GRID2: variants seen among roughly 807,000 people sequenced by gnomAD.
The protein encoded by GRID2 is glutamate ionotropic receptor delta type subunit 2.
Under a neutral mutation model 114.8 loss-of-function variants are expected in GRID2, and 33 were observed. That is an observed-to-expected ratio of 0.29 (90% CI 0.22 to 0.38). The LOEUF (loss-of-function observed/expected upper bound fraction) is 0.38, where lower values mean the gene tolerates loss of function less well. Ranked by LOEUF, GRID2 falls within the 10% of genes least tolerant of loss-of-function variation. The pLI, the probability that GRID2 is intolerant of heterozygous loss-of-function variation, is 1.00. For synonymous variants in GRID2, 505 were observed against 449.9 expected (o/e 1.12, Z -1.55); for missense variants, 1,184 against 1,257.7 (o/e 0.94, Z 0.89).
At chr4:92,479,969 A>G (rs1056331881) in intron 1 of GRID2, among the ~76,000 whole-genome samples, 21 of 152,156 alleles carry the variant, frequency 1.4e-4, no homozygotes, top group African/African-American at 4.6e-4. Context: ...ATAGAATGTG[A>G]TTCTTTGAAA....
At chr4:93,369,025 CCTGA>C (rs1396429242) in intron 8 of GRID2, among the ~76,000 whole-genome samples, 3 of 152,078 alleles carry the variant, frequency 2.0e-5, no homozygotes, top group South Asian at 2.1e-4. Flanking sequence ...TGACTTGTTC[CCTGA>C]CTATCTTAAA....
intron 4 of GRID2, among the ~76,000 whole-genome samples, chr4:93,119,569 C>G (rs1464483540): frequency 6.6e-6 from 1 of 151,984 alleles, no homozygotes; most frequent in Non-Finnish European, 1.5e-5. Context: ...AGAAAGGAAC[C>G]CTACTGTTCC....
intron 1 of GRID2, among the ~76,000 whole-genome samples, chr4:92,539,071 A>AGATGAATTTT (rs5860277): frequency 0.44 from 65,218 of 148,978 alleles, 14,447 homozygotes; most frequent in Middle Eastern, 0.55. Flanking sequence ...GTCTAATAGG[A>AGATGAATTTT]GATGAATTTT....
At chr4:93,296,031 T>A (rs934001218) in intron 8 of GRID2, among the ~76,000 whole-genome samples, 24 of 138,568 alleles carry the variant, frequency 1.7e-4, no homozygotes, top group African/African-American at 7.5e-4. Context: ...TAGCTTGAAA[T>A]AGCAGATATG....
At chr4:92,967,914 G>A (rs991067652) in intron 2 of GRID2, among the ~76,000 whole-genome samples, 30 of 151,830 alleles carry the variant, frequency 2.0e-4, no homozygotes, top group African/African-American at 7.3e-4. Context: ...AAGCGGTGCA[G>A]GATGTATCTC....
At chr4:92,424,799 A>T (rs948316385) in intron 1 of GRID2, among the ~76,000 whole-genome samples, 10 of 151,650 alleles carry the variant, frequency 6.6e-5, no homozygotes, top group Admixed American at 1.3e-4. Context: ...GTCTATTTAC[A>T]ACAGCAGTCC....
At chr4:92,385,814 AT>A (rs1302484803) in intron 1 of GRID2, among the ~76,000 whole-genome samples, 1 of 150,690 alleles carries the variant, frequency 6.6e-6, no homozygotes, top group African/African-American at 2.4e-5. Context: ...TAATTAAGTT[AT>A]TTGGATTTAA....
At chr4:93,217,113 ACTTG>A in intron 6 of GRID2, 2 of 398,062 alleles carry the variant, frequency 5.0e-6, no homozygotes, top group African/African-American at 2.0e-5. Flanking sequence ...AAAAATTTCT[ACTTG>A]CTTAATAAAA....
chr4:93,168,987 C>G (rs1366344078), intron 4 of GRID2, among the ~76,000 whole-genome samples: 1 of 152,010 alleles, frequency 6.6e-6, no homozygotes, highest in African/African-American at 2.4e-5. Flanking sequence ...ACTATAGAAA[C>G]AGAGCATTAT....
chr4:92,532,597 G>C (rs944059772), intron 1 of GRID2, among the ~76,000 whole-genome samples: 1 of 152,032 alleles, frequency 6.6e-6, no homozygotes, highest in African/African-American at 2.4e-5. Context: ...AATTTTAAAA[G>C]AAGTTTTTCC....
intron 10 of GRID2, among the ~76,000 whole-genome samples, chr4:93,448,923 TCCCTTC>T (rs1257733122): frequency 3.8e-5 from 4 of 106,410 alleles, no homozygotes; most frequent in African/African-American, 1.5e-4. Context: ...CCCTTCCCCT[TCCCTTC>T]CCCTTCCCCT....
intron 2 of GRID2, among the ~76,000 whole-genome samples, chr4:92,809,019 T>C (rs1439680038): frequency 6.6e-6 from 1 of 151,856 alleles, no homozygotes; most frequent in Non-Finnish European, 1.5e-5. Flanking sequence ...TTACAAATAT[T>C]TTCACATAGT....
chr4:93,437,826 A>T (rs149297719), intron 10 of GRID2, among the ~76,000 whole-genome samples: 1 of 152,172 alleles, frequency 6.6e-6, no homozygotes, highest in East Asian at 1.9e-4. Flanking sequence ...AGGCTTTCAA[A>T]CTACTCCCAT....
At chr4:92,316,940 TTTA>T (rs1361783570) in intron 1 of GRID2, among the ~76,000 whole-genome samples, 1 of 152,178 alleles carries the variant, frequency 6.6e-6, no homozygotes, top group South Asian at 2.1e-4. Context: ...GGAAGAATTT[TTTA>T]TTATTTTAAT....
intron 15 of GRID2, among the ~76,000 whole-genome samples, chr4:93,771,488 ATT>A: frequency 6.6e-6 from 1 of 152,338 alleles, no homozygotes; most frequent in South Asian, 2.1e-4. Flanking sequence ...AAATCCCTCA[ATT>A]AGAAATTATT....
At chr4:93,270,446 C>G in intron 8 of GRID2, among the ~76,000 whole-genome samples, 1 of 152,200 alleles carries the variant, frequency 6.6e-6, no homozygotes, top group Middle Eastern at 3.4e-3. Flanking sequence ...GAACATAAGT[C>G]TGCCAAAGGT....
At chr4:93,413,830 C>T (rs1009324673) in intron 9 of GRID2, among the ~76,000 whole-genome samples, 1 of 152,094 alleles carries the variant, frequency 6.6e-6, no homozygotes, top group African/African-American at 2.4e-5. Context: ...TTAATGCTTT[C>T]CTCCATTAAA....
At chr4:92,445,325 A>C (rs941174014) in intron 1 of GRID2, among the ~76,000 whole-genome samples, 3 of 152,176 alleles carry the variant, frequency 2.0e-5, no homozygotes, top group Non-Finnish European at 4.4e-5. Context: ...CATTCCTGAC[A>C]ATCTTTGCCT....
chr4:93,658,653 TG>T (rs1184113858), intron 14 of GRID2, among the ~76,000 whole-genome samples: 1 of 152,138 alleles, frequency 6.6e-6, no homozygotes, highest in Non-Finnish European at 1.5e-5. Context: ...TCTCAATGAC[TG>T]GCAAAATAAG....
Sources: allele counts gnomAD v4.1 joint callset (sites outside exome capture counted in the v4.1 genomes callset), GRCh38; gene constraint gnomAD v4.1.1; transcripts MANE v1.5; gene names NCBI Gene and HGNC (gene_info 2026-07-23, HGNC 2026-07-21).